The following WWOX variants were observed in gnomAD, a reference collection of about 807,000 sequenced individuals.
WWOX encodes WW domain-containing oxidoreductase.
In WWOX, 69 loss-of-function variants were observed where a neutral mutation model predicts 46.2. The ratio of observed to expected loss-of-function variants is 1.49; its 90% CI spans 1.23 to 1.82. WWOX has a LOEUF of 1.82. Among genes scored for constraint, WWOX ranks in the 40% most tolerant of loss-of-function variants. WWOX has a pLI of 0.00. For synonymous variants in WWOX, 359 were observed against 202.6 expected (o/e 1.77, Z -6.56); for missense variants, 919 against 542.6 (o/e 1.69, Z -6.89).
chr16:78,828,250 C>G (rs375100362), intron 8 of WWOX, among the ~76,000 whole-genome samples: 9 of 152,118 alleles, frequency 5.9e-5, no homozygotes, highest in Admixed American at 5.9e-4. Context: ...AAGACAATGA[C>G]AATAAAAGCA....
intron 8 of WWOX, among the ~76,000 whole-genome samples, chr16:79,145,670 T>A (rs2050171399): frequency 6.6e-6 from 1 of 152,222 alleles, no homozygotes; most frequent in African/African-American, 2.4e-5. Context: ...AAATGTTCTT[T>A]GTTTTAAACT....
intron 5 of WWOX, among the ~76,000 whole-genome samples, chr16:78,329,244 T>C (rs1239686319): frequency 6.6e-6 from 1 of 152,184 alleles, no homozygotes; most frequent in South Asian, 2.1e-4. Context: ...CGTTTGGTTC[T>C]CATTTCCTTG....
chr16:78,980,033 C>T lies in WWOX; in HGVS notation c.1057-231575C>T, dbSNP rs9922292. 3.9e-3 allele frequency among the ~76,000 whole-genome samples: 599 copies of T among 152,112 alleles called. 4 individuals are homozygous for T. Among genetic ancestry groups the T allele is most frequent in the African/African-American group, 0.014 (577 of 41,468 alleles). On this transcript the variant is annotated intron_variant, in intron 8 of 8. Transcript: ENST00000566780. The stretch of plus-strand genomic sequence containing the variant: ...CTTCCAGCTGCTTGGGAAGCTGAGG[C>T]AGGAGAATCACTTGAACTCAGAAGG...
intron 8 of WWOX, among the ~76,000 whole-genome samples, chr16:78,741,756 G>T (rs2049233530): frequency 6.6e-6 from 1 of 152,162 alleles, no homozygotes; most frequent in Non-Finnish European, 1.5e-5. Context: ...TCAGGAGGCT[G>T]AGGCAGGAGA....
intron 8 of WWOX, among the ~76,000 whole-genome samples, chr16:79,120,960 G>C (rs933010424): frequency 6.6e-6 from 1 of 152,106 alleles, no homozygotes; most frequent in Non-Finnish European, 1.5e-5. Flanking sequence ...GTAGAGACGA[G>C]GTTTCACCAT....
intron 5 of WWOX, among the ~76,000 whole-genome samples, chr16:78,329,944 C>T (rs1393422706): frequency 6.6e-6 from 1 of 151,976 alleles, no homozygotes; most frequent in Non-Finnish European, 1.5e-5. Context: ...CAAGTTCTTG[C>T]TATGTTGCCC....
intron 8 of WWOX, among the ~76,000 whole-genome samples, chr16:78,711,749 T>C (rs998272082): frequency 2.0e-5 from 3 of 152,184 alleles, no homozygotes. Flanking sequence ...TGCTTTACTA[T>C]GAGTATTGAC....
intron 4 of WWOX, among the ~76,000 whole-genome samples, chr16:78,154,499 T>C (rs1053502451): frequency 2.7e-5 from 4 of 147,116 alleles, no homozygotes; most frequent in African/African-American, 1.0e-4. Flanking sequence ...TTTTTTTTTT[T>C]TTTTTTTTTT....
chr16:78,494,827 G>C (rs913665311), intron 8 of WWOX, among the ~76,000 whole-genome samples: 3 of 152,158 alleles, frequency 2.0e-5, no homozygotes, highest in Admixed American at 2.0e-4. Context: ...TATAGCCGGA[G>C]GAAGGCCTGT....
At chr16:79,069,864 C>A (rs1000134008) in intron 8 of WWOX, among the ~76,000 whole-genome samples, 6 of 152,024 alleles carry the variant, frequency 3.9e-5, no homozygotes, top group African/African-American at 1.4e-4. Context: ...CAACTTTGGC[C>A]CAAATTGACT....
chr16:78,257,266 A>T (rs531843937), intron 5 of WWOX, among the ~76,000 whole-genome samples: 2 of 152,104 alleles, frequency 1.3e-5, no homozygotes, highest in African/African-American at 4.8e-5. Context: ...TAGGAAGGGG[A>T]AATAAGGCCA....
At chr16:78,290,116 CGAATGACAGTGTCTTTA>C (rs1169012602) in intron 5 of WWOX, among the ~76,000 whole-genome samples, 1 of 152,086 alleles carries the variant, frequency 6.6e-6, no homozygotes, top group East Asian at 1.9e-4. Flanking sequence ...ATGTGTTTAA[CGAATGACAGTGTCTTTA>C]GTGCATTGCT....
At chr16:79,097,968 T>C (rs8048767) in intron 8 of WWOX, among the ~76,000 whole-genome samples, 19,380 of 152,122 alleles carry the variant, frequency 0.13, 1,260 homozygotes, top group East Asian at 0.15. Context: ...AGTGTGGCAA[T>C]GCTTCAAGCC....
At chr16:79,025,392 C>T (rs1033389666) in intron 8 of WWOX, among the ~76,000 whole-genome samples, 4 of 152,312 alleles carry the variant, frequency 2.6e-5, no homozygotes, top group African/African-American at 7.2e-5. Context: ...AGTTGAGGAT[C>T]TCAAAACGAG....
At chr16:78,823,695 G>A (rs1441831838) in intron 8 of WWOX, among the ~76,000 whole-genome samples, 2 of 152,098 alleles carry the variant, frequency 1.3e-5, no homozygotes, top group African/African-American at 2.4e-5. Flanking sequence ...AAGGCCCGCC[G>A]AGCCTGAGCT....
chr16:79,190,310 C>T (rs975521214), intron 8 of WWOX, among the ~76,000 whole-genome samples: 14 of 152,214 alleles, frequency 9.2e-5, no homozygotes, highest in East Asian at 7.7e-4. Context: ...CAGGCGTGAG[C>T]CACCGTGCCC....
intron 8 of WWOX, among the ~76,000 whole-genome samples, chr16:78,596,268 A>G (rs1597323910): frequency 1.3e-5 from 2 of 152,200 alleles, no homozygotes; most frequent in East Asian, 3.8e-4. Context: ...CATTTGTTTC[A>G]TGCAATAGAA....
intron 5 of WWOX, among the ~76,000 whole-genome samples, chr16:78,342,092 G>A (rs2081026407): frequency 8.2e-6 from 1 of 121,308 alleles, no homozygotes; most frequent in South Asian, 2.5e-4. Flanking sequence ...CTCTAATTTA[G>A]GCAGCAGAAT....
At chr16:79,081,697 G>A (rs989933161) in intron 8 of WWOX, among the ~76,000 whole-genome samples, 6 of 152,096 alleles carry the variant, frequency 3.9e-5, no homozygotes, top group Admixed American at 6.6e-5. Flanking sequence ...CCAAGACCAG[G>A]AATAGCCCAG....
Sources: gnomAD v4.1 joint callset for allele counts (sites outside exome capture counted in the v4.1 genomes callset) on GRCh38, gnomAD v4.1.1 for gene constraint, MANE v1.5 for transcripts, NCBI Gene and HGNC (gene_info 2026-07-23, HGNC 2026-07-21) for gene names.